The following PIK3C2G variants were observed in gnomAD, a reference collection of about 807,000 sequenced individuals.
The protein encoded by PIK3C2G is phosphatidylinositol-4-phosphate 3-kinase catalytic subunit type 2 gamma, also known as phosphatidylinositol 3-kinase C2 domain-containing subunit gamma.
A neutral mutation model predicts 181.1 loss-of-function variants in PIK3C2G; 168 were observed. That is an observed-to-expected ratio of 0.93 (90% CI 0.82 to 1.05). The LOEUF is 1.05. Among genes scored for constraint, PIK3C2G ranks in the 50% least tolerant of loss-of-function variants. The pLI, the probability that PIK3C2G is intolerant of heterozygous loss-of-function variation, is 0.00. For missense variants in PIK3C2G, 1,869 were observed against 1,732.8 expected, an observed-to-expected ratio of 1.08 and a Z score of -1.40; for synonymous variants, 573 against 592.2, an observed-to-expected ratio of 0.97 and a Z score of 0.47.
At chr12:18,365,477 A>G (rs1302830649) in intron 12 of PIK3C2G, among the ~76,000 whole-genome samples, 1 of 152,094 alleles carries the variant, frequency 6.6e-6, no homozygotes, top group Non-Finnish European at 1.5e-5. Context: ...TCATGACTGA[A>G]TCCAATGTTT....
intron 16 of PIK3C2G, among the ~76,000 whole-genome samples, chr12:18,400,500 G>A (rs983219068): frequency 7.2e-5 from 11 of 152,148 alleles, no homozygotes; most frequent in Non-Finnish European, 1.6e-4. Flanking sequence ...GCTCACTGAT[G>A]CCATGAAGAA....
At chr12:18,423,640 T>C (rs891868715) in intron 17 of PIK3C2G, among the ~76,000 whole-genome samples, 2 of 152,176 alleles carry the variant, frequency 1.3e-5, no homozygotes, top group Non-Finnish European at 2.9e-5. Flanking sequence ...TTGTATTTAA[T>C]AATCCAGGAC....
intron 32 of PIK3C2G, among the ~76,000 whole-genome samples, chr12:18,643,374 G>A (rs545280754): frequency 6.6e-6 from 1 of 151,904 alleles, no homozygotes; most frequent in East Asian, 2.0e-4. Context: ...AGCCAATTCC[G>A]ATGAGAACAT....
chr12:18,377,396 G>T (rs1942525864), intron 13 of PIK3C2G, among the ~76,000 whole-genome samples: 1 of 152,162 alleles, frequency 6.6e-6, no homozygotes, highest in Non-Finnish European at 1.5e-5. Flanking sequence ...ATGTTTAGCA[G>T]CATAGTCCTT....
intron 29 of PIK3C2G, among the ~76,000 whole-genome samples, chr12:18,583,886 G>A (rs1445917620): frequency 6.6e-6 from 1 of 152,128 alleles, no homozygotes; most frequent in East Asian, 1.9e-4. Context: ...TGGAATGACA[G>A]AAATAGAATT....
chr12:18,346,954 C>A, intron 11 of PIK3C2G, 118 bp downstream of exon 11: 1 of 550,664 alleles, frequency 1.8e-6, no homozygotes, highest in Non-Finnish European at 3.1e-6. Context: ...TGGAATTAAT[C>A]AGCATAGTTT....
chr12:18,425,509 A>G (rs751742726), intron 18 of PIK3C2G, among the ~76,000 whole-genome samples: 2 of 145,120 alleles, frequency 1.4e-5, no homozygotes, highest in Admixed American at 7.4e-5. Context: ...CTTCTGCCTC[A>G]GCCTCCCGAG....
At chr12:18,588,499 A>G (rs1427388575) in intron 29 of PIK3C2G, among the ~76,000 whole-genome samples, 1 of 152,140 alleles carries the variant, frequency 6.6e-6, no homozygotes, top group Non-Finnish European at 1.5e-5. Flanking sequence ...AAAATTACTC[A>G]TATCACTGAT....
rs1315021608 is a variant in PIK3C2G, at chr12:18,282,606, T to A, written c.525T>A (p.Ile175=). The change falls in exon 2 of 33, where the codon ATT becomes ATA. Residue 175 remains isoleucine (I), a synonymous_variant. Transcript: ENST00000538779. ...ACCATATAGGATTTGAAAGTAGCAT[T>A]CCTCCAACAAATTCATCCTTCTCAA... ...HNYHIGFESS[I]PPTNSSFSSD... 1 of 1,613,174 alleles carries A rather than the reference T, an allele frequency of 6.2e-7. No individual in the cohort carries two copies. Among genetic ancestry groups the A allele is most frequent in the Non-Finnish European group, 8.5e-7 (1 of 1,179,332 alleles).
At chr12:18,263,639 T>A (rs1948349067) in intron 1 of PIK3C2G, among the ~76,000 whole-genome samples, 1 of 152,206 alleles carries the variant, frequency 6.6e-6, no homozygotes, top group Admixed American at 6.5e-5. Flanking sequence ...TAAAGTGTTA[T>A]TCTTTACCTC....
At chr12:18,277,012 T>C (rs1949013883) in intron 1 of PIK3C2G, among the ~76,000 whole-genome samples, 1 of 152,148 alleles carries the variant, frequency 6.6e-6, no homozygotes, top group Admixed American at 6.6e-5. Flanking sequence ...AAGATTAATG[T>C]TTTCCCCAAG....
intron 12 of PIK3C2G, among the ~76,000 whole-genome samples, chr12:18,367,641 G>A (rs1428148728): frequency 3.3e-5 from 5 of 150,080 alleles, no homozygotes; most frequent in South Asian, 2.1e-4. Flanking sequence ...TGCAACCTCC[G>A]CCTCCCGGGT....
chr12:18,346,402 A>G (rs555968395), intron 10 of PIK3C2G, among the ~76,000 whole-genome samples: 177 of 152,324 alleles, frequency 1.2e-3, no homozygotes, highest in Non-Finnish European at 2.2e-3. Context: ...TGTTATGAAA[A>G]GGCCATGCTT....
the PIK3C2G span, chr12:18,705,081 T>C: frequency 2.0e-6 from 3 of 1,520,404 alleles, no homozygotes; most frequent in Non-Finnish European, 2.7e-6. Flanking sequence ...CATTGGTCTC[T>C]AGCCCAGTTT....
Position 18,325,490 on chromosome 12 carries a change from C to T in PIK3C2G, c.1272+392C>T, listed in dbSNP as rs147458673. 2.0e-3 allele frequency among the ~76,000 whole-genome samples: 298 copies of T among 152,010 alleles called. 1 individual carries two copies. Among genetic ancestry groups the T allele is most frequent in the African/African-American group, 6.8e-3 (284 of 41,492 alleles). On this transcript the variant is annotated intron_variant, in intron 8 of 32. Coordinates refer to ENST00000538779, the MANE Select transcript of PIK3C2G (RefSeq NM_001288772.2). ...TTGGGAGTCCGAGGTGTGCAGATCA[C>T]GAGGTCAAGAGATCGAGACCATCCT...
intron 30 of PIK3C2G, among the ~76,000 whole-genome samples, chr12:18,606,933 G>C (rs1469463269): frequency 2.0e-5 from 3 of 151,960 alleles, no homozygotes; most frequent in Non-Finnish European, 4.4e-5. Flanking sequence ...CAAATCAAAA[G>C]AAAAATTAAG....
chr12:18,419,036 G>T (rs1292072118), intron 16 of PIK3C2G, among the ~76,000 whole-genome samples: 1 of 152,134 alleles, frequency 6.6e-6, no homozygotes, highest in Admixed American at 6.6e-5. Flanking sequence ...GAGGAAGGCT[G>T]GTAGTAAAGA....
intron 17 of PIK3C2G, among the ~76,000 whole-genome samples, chr12:18,422,494 G>A (rs1003625256): frequency 6.6e-6 from 1 of 152,022 alleles, no homozygotes; most frequent in Non-Finnish European, 1.5e-5. Flanking sequence ...CTATATTAAA[G>A]CTGTAAGAAA....
At chr12:18,535,286 G>A (rs545981030) in intron 24 of PIK3C2G, among the ~76,000 whole-genome samples, 46 of 152,138 alleles carry the variant, frequency 3.0e-4, no homozygotes, top group African/African-American at 1.1e-3. Context: ...GCTCAGAAGT[G>A]AGCCATGAAA....
Sources: gnomAD v4.1 joint callset for allele counts (sites outside exome capture counted in the v4.1 genomes callset) on GRCh38, gnomAD v4.1.1 for gene constraint, MANE v1.5 for transcripts, NCBI Gene and HGNC (gene_info 2026-07-23, HGNC 2026-07-21) for gene names.